GABRG3: variants seen among roughly 807,000 people sequenced by gnomAD.
GABRG3 encodes the protein gamma-aminobutyric acid receptor subunit gamma-3.
In GABRG3, 25 loss-of-function variants were observed where a neutral mutation model predicts 48.8. That is an observed-to-expected ratio of 0.51 (90% confidence interval 0.37 to 0.72). GABRG3 has a LOEUF of 0.72. Ranked by LOEUF, GABRG3 falls within the 30% of genes least tolerant of loss-of-function variation. GABRG3 has a pLI of 0.00. For missense variants in GABRG3, 394 were observed against 577.9 expected, an observed-to-expected ratio of 0.68 and a Z score of 3.26; for synonymous variants, 227 against 217.6, an observed-to-expected ratio of 1.04 and a Z score of -0.38.
At chr15:27,350,936 C>A (rs147355300) in intron 5 of GABRG3, among the ~76,000 whole-genome samples, 1 of 145,174 alleles carries the variant, frequency 6.9e-6, no homozygotes, top group African/African-American at 2.6e-5. Context: ...GTGTGTGTAT[C>A]GTGTGTGTAT....
intron 2 of GABRG3, among the ~76,000 whole-genome samples, chr15:27,022,723 C>G (rs1398455004): frequency 1.3e-5 from 2 of 152,184 alleles, no homozygotes; most frequent in African/African-American, 4.8e-5. Flanking sequence ...TGCATTCCTT[C>G]CCCAGCAAGG....
chr15:27,380,763 G>GTTT (rs71132807), intron 5 of GABRG3, among the ~76,000 whole-genome samples: 19 of 115,210 alleles, frequency 1.6e-4, no homozygotes, highest in African/African-American at 5.8e-4. Context: ...GTTCTGTGTG[G>GTTT]TTTTTTTTTT....
At chr15:27,333,287 A>G (rs1277301322) in intron 5 of GABRG3, among the ~76,000 whole-genome samples, 2 of 152,214 alleles carry the variant, frequency 1.3e-5, no homozygotes, top group South Asian at 2.1e-4. Context: ...ACATTTCTGT[A>G]GATCACAAAT....
Position 27,076,133 on chromosome 15 carries a change from T to C in GABRG3, c.270+49312T>C, listed in dbSNP as rs983205065. On this transcript the variant is annotated intron_variant, in intron 3 of 9. Coordinates refer to ENST00000615808, the MANE Select transcript of GABRG3 (RefSeq NM_033223.5). ...CCATCAGTGGTTTCAGCAAGAGCCC[T>C]GGCACCAAGAACTTTGTTTTCATTG... Among the ~76,000 whole-genome samples the C allele has an allele frequency of 7.9e-5, 12 of 152,226 alleles. 1 individual carries two copies. The highest frequency in any genetic ancestry group is 6.5e-4 in the Admixed American group (10 of 15,298).
chr15:27,033,370 C>T (rs1485687423), intron 3 of GABRG3, among the ~76,000 whole-genome samples: 2 of 152,064 alleles, frequency 1.3e-5, no homozygotes, highest in Admixed American at 1.3e-4. Flanking sequence ...GCAAGGTATC[C>T]CATCCTAGCC....
intron 3 of GABRG3, among the ~76,000 whole-genome samples, chr15:27,206,790 T>C (rs1314209152): frequency 5.3e-5 from 8 of 152,204 alleles, no homozygotes; most frequent in Non-Finnish European, 1.5e-5. Context: ...AATGGAACCC[T>C]TTATTATTAG....
At chr15:27,305,605 G>A (rs1892384654) in intron 3 of GABRG3, among the ~76,000 whole-genome samples, 2 of 137,694 alleles carry the variant, frequency 1.5e-5, no homozygotes, top group South Asian at 2.3e-4. Context: ...AAACCTACAT[G>A]TTTATATATA....
chr15:27,110,572 A>G (rs187883436), intron 3 of GABRG3, among the ~76,000 whole-genome samples: 2 of 140,562 alleles, frequency 1.4e-5, no homozygotes, highest in East Asian at 4.5e-4. Flanking sequence ...GCTGACAACA[A>G]ATTCCCTCAA....
At chr15:27,397,250 A>G (rs909058364) in intron 5 of GABRG3, among the ~76,000 whole-genome samples, 4 of 149,820 alleles carry the variant, frequency 2.7e-5, no homozygotes, top group Non-Finnish European at 5.9e-5. Flanking sequence ...GTAAAGCTAA[A>G]GACCAGAACG....
intron 5 of GABRG3, chr15:27,365,697 T>C (rs944887904): frequency 6.6e-6 from 1 of 152,178 alleles, no homozygotes; most frequent in South Asian, 2.1e-4. Flanking sequence ...TTTCTCTCTG[T>C]AATTGATTAT....
chr15:27,124,762 G>C (rs1897790010), intron 3 of GABRG3, among the ~76,000 whole-genome samples: 1 of 152,200 alleles, frequency 6.6e-6, no homozygotes. Flanking sequence ...GCACCAGCTT[G>C]TTGCCTCAGG....
At chr15:27,305,515 CA>C (rs1010184609) in intron 3 of GABRG3, among the ~76,000 whole-genome samples, 2 of 144,808 alleles carry the variant, frequency 1.4e-5, no homozygotes, top group African/African-American at 5.0e-5. Context: ...CATATATAAA[CA>C]TATATATAAT....
At chr15:27,527,702 A>G in intron 8 of GABRG3, 73 bp downstream of exon 8, 2 of 1,352,098 alleles carry the variant, frequency 1.5e-6, no homozygotes, top group Middle Eastern at 1.8e-4. Context: ...ACTTAAATGC[A>G]GTTGTATTCC....
At chr15:27,160,609 T>G (rs2140403477) in intron 3 of GABRG3, among the ~76,000 whole-genome samples, 1 of 152,256 alleles carries the variant, frequency 6.6e-6, no homozygotes, top group East Asian at 1.9e-4. Flanking sequence ...TTTCTAATAC[T>G]TAGGATGTTT....
intron 3 of GABRG3, among the ~76,000 whole-genome samples, chr15:27,156,159 T>A (rs1278255550): frequency 2.7e-5 from 4 of 150,200 alleles, no homozygotes; most frequent in Non-Finnish European, 4.4e-5. Context: ...ATTAGCTGGG[T>A]GTGGTGGTGG....
intron 5 of GABRG3, among the ~76,000 whole-genome samples, chr15:27,397,801 AATTT>A (rs1566823252): frequency 1.4e-5 from 2 of 138,418 alleles, no homozygotes; most frequent in African/African-American, 5.2e-5. Flanking sequence ...TTCTCTGAAA[AATTT>A]TTTTTTTTTT....
intron 2 of GABRG3, among the ~76,000 whole-genome samples, chr15:27,011,803 A>T (rs1895692373): frequency 6.6e-6 from 1 of 151,440 alleles, no homozygotes; most frequent in African/African-American, 2.4e-5. Context: ...AGCAGAGATC[A>T]TGCCACTGTA....
chr15:27,465,361 G>T (rs56137632), intron 5 of GABRG3, among the ~76,000 whole-genome samples: 57,672 of 151,842 alleles, frequency 0.38, 14,228 homozygotes, highest in African/African-American at 0.69. Context: ...AGGTCTCTGC[G>T]TGACTAACCC....
At chr15:27,055,345 G>C (rs1896527666) in intron 3 of GABRG3, among the ~76,000 whole-genome samples, 1 of 152,226 alleles carries the variant, frequency 6.6e-6, no homozygotes, top group Admixed American at 6.5e-5. Context: ...GGGGAAATTA[G>C]TTCTAAAGCT....
Sources: allele counts gnomAD v4.1 joint callset (sites outside exome capture counted in the v4.1 genomes callset), GRCh38; gene constraint gnomAD v4.1.1; transcripts MANE v1.5; gene names NCBI Gene and HGNC (gene_info 2026-07-23, HGNC 2026-07-21).